CYP4X1: variants seen among roughly 807,000 people sequenced by gnomAD.
CYP4X1 encodes the protein cytochrome P450 family 4 subfamily X member 1.
A neutral mutation model predicts 57.9 loss-of-function variants in CYP4X1; 44 were observed. The observed-to-expected ratio is 0.76, with a 90% CI of 0.60 to 0.98. CYP4X1 has a LOEUF of 0.98. Among genes scored for constraint, CYP4X1 ranks in the 50% least tolerant of loss-of-function variants. The probability of loss-of-function intolerance (pLI) is 0.00; values close to 1 mark genes in which losing one functional copy is unlikely to be tolerated. For missense variants in CYP4X1, 532 were observed against 623.9 expected (o/e 0.85, Z 1.57); for synonymous variants, 227 against 228.6 (o/e 0.99, Z 0.06).
the CYP4X1 span, among the ~76,000 whole-genome samples, chr1:46,989,528 T>C: frequency 6.6e-6 from 1 of 152,318 alleles, no homozygotes; most frequent in Non-Finnish European, 1.5e-5. Context: ...ATTGACTTTC[T>C]TCACAGAATT....
the CYP4X1 span, among the ~76,000 whole-genome samples, chr1:47,017,246 A>G: frequency 5.6e-4 from 85 of 152,298 alleles, no homozygotes; most frequent in Non-Finnish European, 1.1e-3. Context: ...ATCATATGGT[A>G]GCTCTATTTT....
chr1:46,964,499 G>A, the CYP4X1 span, among the ~76,000 whole-genome samples: 78 of 152,298 alleles, frequency 5.1e-4, no homozygotes, highest in South Asian at 2.9e-3. Context: ...GTTTGCTGGA[G>A]GTCCACTCCA....
the CYP4X1 span, among the ~76,000 whole-genome samples, chr1:47,007,772 G>A: frequency 2.6e-4 from 40 of 152,308 alleles, 1 homozygote; most frequent in Non-Finnish European, 4.1e-4. Flanking sequence ...CGAGAACTAC[G>A]TGATGAATGC....
At chr1:46,974,865 G>A in the CYP4X1 span, among the ~76,000 whole-genome samples, 1 of 151,986 alleles carries the variant, frequency 6.6e-6, no homozygotes, top group African/African-American at 2.4e-5. Flanking sequence ...ACATACAGTT[G>A]AGTCTTGCTT....
At chr1:47,012,163 T>C in the CYP4X1 span, among the ~76,000 whole-genome samples, 1 of 152,204 alleles carries the variant, frequency 6.6e-6, no homozygotes, top group Admixed American at 6.5e-5. Flanking sequence ...CCAACACAAA[T>C]GTCCAACAAT....
the CYP4X1 span, among the ~76,000 whole-genome samples, chr1:46,992,612 G>C: frequency 6.6e-6 from 1 of 152,162 alleles, no homozygotes; most frequent in Non-Finnish European, 1.5e-5. Flanking sequence ...AAATAATATT[G>C]TATGTATATA....
the CYP4X1 span, among the ~76,000 whole-genome samples, chr1:46,964,023 C>G: frequency 6.6e-6 from 1 of 152,212 alleles, no homozygotes; most frequent in Admixed American, 6.5e-5. Context: ...CCCTTTCTTC[C>G]AGTTGATTGA....
the CYP4X1 span, among the ~76,000 whole-genome samples, chr1:47,001,709 G>T: frequency 6.6e-5 from 10 of 152,104 alleles, no homozygotes; most frequent in Admixed American, 5.9e-4. Flanking sequence ...CAGTCTTCTT[G>T]CCTGGACTTT....
chr1:47,049,154 T>C (rs1301065691), intron 10 of CYP4X1, among the ~76,000 whole-genome samples: 2 of 152,184 alleles, frequency 1.3e-5, no homozygotes, highest in Non-Finnish European at 2.9e-5. Context: ...TTAAAATACG[T>C]GCTGGATTTT....
the CYP4X1 span, among the ~76,000 whole-genome samples, chr1:47,011,190 G>A: frequency 2.6e-5 from 4 of 152,118 alleles, no homozygotes; most frequent in Admixed American, 6.6e-5. Flanking sequence ...AAACAGCATG[G>A]TACTGGTACC....
chr1:47,019,148 G>A (rs1643971497), upstream of CYP4X1, among the ~76,000 whole-genome samples: 1 of 152,188 alleles, frequency 6.6e-6, no homozygotes, highest in South Asian at 2.1e-4. Context: ...AGACATATGT[G>A]ATTAACTTCT....
the CYP4X1 span, among the ~76,000 whole-genome samples, chr1:46,985,575 C>A: frequency 1.3e-5 from 2 of 152,178 alleles, no homozygotes; most frequent in African/African-American, 4.8e-5. Context: ...GATTGGGAGA[C>A]ATCTCCCAGC....
chr1:46,989,385 T>C, the CYP4X1 span, among the ~76,000 whole-genome samples: 7 of 151,856 alleles, frequency 4.6e-5, no homozygotes, highest in Non-Finnish European at 8.8e-5. Flanking sequence ...AAACCACTGC[T>C]CAACAAAATA....
chr1:46,983,280 G>A, the CYP4X1 span, among the ~76,000 whole-genome samples: 6 of 152,192 alleles, frequency 3.9e-5, no homozygotes, highest in African/African-American at 1.4e-4. Flanking sequence ...ATTCAGCAGG[G>A]GATGGGGTGG....
chr1:47,046,417 A>G, intron 8 of CYP4X1, 50 bp from the exon 9 acceptor site: 1 of 1,603,410 alleles, frequency 6.2e-7, no homozygotes, highest in Admixed American at 1.7e-5. Context: ...AACAGAAAAA[A>G]AGTAAACTGG....
At chr1:47,015,207 G>C in the CYP4X1 span, among the ~76,000 whole-genome samples, 1 of 152,174 alleles carries the variant, frequency 6.6e-6, no homozygotes, top group Non-Finnish European at 1.5e-5. Context: ...GGACAGTGCA[G>C]AACAGTGAGA....
At chr1:47,031,247 T>C (rs1644120747) in intron 2 of CYP4X1, among the ~76,000 whole-genome samples, 189 bp from the exon 3 acceptor site, 1 of 152,254 alleles carries the variant, frequency 6.6e-6, no homozygotes, top group South Asian at 2.1e-4. Context: ...CTTGCTGTTC[T>C]CTGAAACTGA....
chr1:47,048,679 A>C lies in CYP4X1; in HGVS notation c.1272+50A>C, dbSNP rs372298579. The C allele has an allele frequency of 2.2e-5, 34 of 1,542,012 alleles. No individual in the cohort carries two copies. In the South Asian group the frequency reaches 3.5e-4, roughly 16 times the overall value. On this transcript the variant is annotated intron_variant, in intron 10 of 11. Transcript: ENST00000371901. The stretch of plus-strand genomic sequence containing the variant: ...TACTTCCAAGAACTAATGCTGTGCA[A>C]GTCACTTTTTGGTAGCTAAGCACAG...
chr1:46,966,237 G>A, the CYP4X1 span, among the ~76,000 whole-genome samples: 1 of 152,296 alleles, frequency 6.6e-6, no homozygotes, highest in African/African-American at 2.4e-5. Flanking sequence ...ACAGTGCTTG[G>A]CTCGCCGGAT....
Sources: allele counts gnomAD v4.1 joint callset (sites outside exome capture counted in the v4.1 genomes callset), GRCh38; gene constraint gnomAD v4.1.1; transcripts MANE v1.5; gene names NCBI Gene and HGNC (gene_info 2026-07-23, HGNC 2026-07-21).